The following SYNE2 variants were observed in gnomAD, a reference collection of about 807,000 sequenced individuals.
SYNE2 encodes nesprin-2.
SYNE2 carries 431 observed loss-of-function variants against 856.3 expected under a neutral mutation model. The ratio of observed to expected loss-of-function variants is 0.50; its 90% CI spans 0.47 to 0.55. The LOEUF (loss-of-function observed/expected upper bound fraction) is 0.55, where lower values mean the gene tolerates loss of function less well. SYNE2 is among the 20% of genes least tolerant of loss of function. The pLI is 0.00. For missense variants in SYNE2, 8,129 were observed against 8,023.2 expected (o/e 1.01, Z -0.50); for synonymous variants, 2,923 against 2,872.3 (o/e 1.02, Z -0.56).
intron 56 of SYNE2, among the ~76,000 whole-genome samples, chr14:64,080,856 G>A (rs554289405): frequency 8.0e-4 from 122 of 152,306 alleles, no homozygotes; most frequent in African/African-American, 2.8e-3. Flanking sequence ...GAATCCAGAA[G>A]TTGACCACAG....
chr14:64,167,702 G>A, intron 92 of SYNE2, 63 bp downstream of exon 92: 1 of 1,609,900 alleles, frequency 6.2e-7, no homozygotes, highest in Non-Finnish European at 8.5e-7. Context: ...GGGAAAGATA[G>A]CTTTAAATAA....
rs111332955 is a variant in SYNE2, at chr14:64,180,505, C to CT, written c.17556+3038dup. 3.0e-3 allele frequency among the ~76,000 whole-genome samples: 425 copies of CT among 142,590 alleles called. 3 individuals carry two copies. Among genetic ancestry groups the CT allele is most frequent in the South Asian group, 7.2e-3 (32 of 4,462 alleles). The allele number at this position is 142,590 out of a possible 152,430, so 93.5% of individuals were successfully genotyped here. A position where few individuals can be genotyped will look rare whatever the true frequency, so the allele number is the denominator to read the frequency against. On this transcript the variant is annotated intron_variant, in intron 96 of 115. Coordinates refer to ENST00000555002, the MANE Select transcript of SYNE2 (RefSeq NM_182914.3). ...AGTTGTTTTCACTAATGGTTTATAA[C>CT]TTTTTTTTTTTTTTTTGAGATGGAG...
chr14:64,122,107 C>A lies in SYNE2; in HGVS notation c.13254C>A (p.Asn4418Lys), dbSNP rs36021513. The A allele has an allele frequency of 0.017, 27,272 of 1,613,784 alleles. 264 individuals carry two copies. The highest frequency in any genetic ancestry group is 0.037 in the African/African-American group (2,792 of 74,984). Residue 4418 changes from asparagine (N) to lysine (K), a missense_variant, in exon 69 of 116, where the codon AAC becomes AAA. Physicochemically the swap from Asn to Lys is moderately conservative, Grantham distance 94. Transcript: ENST00000555002. ...KMWPQYCQHDNDTTQESSASN... is the reference protein window; with the variant it reads ...KMWPQYCQHDKDTTQESSASN... ...GGCCCCAGTATTGCCAACATGATAA[C>A]GATACAACTCAGGAATCATCTGCAA...
rs200842904 is a variant in SYNE2, at chr14:64,031,298, G to A, written c.7162G>A (p.Glu2388Lys). The change falls in exon 45 of 116, where the codon GAG becomes AAG. Residue 2388 changes from glutamate to lysine, a missense_variant. Physicochemically the swap from Glu to Lys is moderately conservative, Grantham distance 56. Transcript: ENST00000555002. ...GAAGCAGGCCACTTCTGATGTGCAGGAGTCTACTCAGGAATCAGCTGCAGT... is the reference window on the plus strand; with the variant it reads ...GAAGCAGGCCACTTCTGATGTGCAGAAGTCTACTCAGGAATCAGCTGCAGT... ...REKQATSDVQ[E>K]STQESAAVEK... The A allele has an allele frequency of 5.0e-3, 8,001 of 1,614,160 alleles. 31 individuals carry two copies. The highest frequency in any genetic ancestry group is 5.8e-3 in the Non-Finnish European group (6,853 of 1,180,026).
At chr14:63,872,475 G>T (rs1181541708) in intron 1 of SYNE2, among the ~76,000 whole-genome samples, 2 of 151,550 alleles carry the variant, frequency 1.3e-5, no homozygotes, top group African/African-American at 4.9e-5. Flanking sequence ...AGTCTAATTG[G>T]CTGGGCATGG....
At chr14:64,222,722 C>G (rs1256069) in intron 112 of SYNE2, among the ~76,000 whole-genome samples, 35,373 of 151,910 alleles carry the variant, frequency 0.23, 6,583 homozygotes, top group African/African-American at 0.5. Flanking sequence ...TGAGACTCCA[C>G]CTCAAAAAAA....
At chr14:63,877,855 G>A (rs926066063) in intron 1 of SYNE2, among the ~76,000 whole-genome samples, 3 of 150,980 alleles carry the variant, frequency 2.0e-5, no homozygotes, top group African/African-American at 4.9e-5. Flanking sequence ...TTATAGCCAA[G>A]GTCATTTGCA....
chr14:63,782,467 CAAAAAAAA>C (rs35413633), intron 1 of SYNE2, among the ~76,000 whole-genome samples: 11 of 49,634 alleles, frequency 2.2e-4, no homozygotes, highest in Admixed American at 8.5e-4. Flanking sequence ...AACTCCATCT[CAAAAAAAA>C]AAAAAAAAAA....
chr14:64,128,402 A>G (rs191433967), intron 73 of SYNE2, 50 bp from the exon 74 acceptor site: 11 of 968,776 alleles, frequency 1.1e-5, no homozygotes, highest in Admixed American at 3.6e-5. Flanking sequence ...ATAAAAAAAG[A>G]TAATGAAGGC....
At chr14:63,812,574 T>C (rs1257603923) in intron 1 of SYNE2, among the ~76,000 whole-genome samples, 2 of 152,226 alleles carry the variant, frequency 1.3e-5, no homozygotes, top group African/African-American at 4.8e-5. Context: ...TGGGAACTGA[T>C]AAATGTCCAT....
chr14:63,976,588 ATTATGCC>A lies in SYNE2; in HGVS notation c.1157_1163del (p.Tyr386CysfsTer15). 6.2e-7 allele frequency: 1 copy of A among 1,608,268 alleles called. No homozygotes were observed. The highest frequency in any genetic ancestry group is 8.5e-7 in the Non-Finnish European group (1 of 1,178,812). ...ATTAATGCATGGAAAATAAAGCTAA[ATTATGCC>A]TTGCCCCCACCCCTCCATCAAACTG... On this transcript the variant is annotated frameshift_variant, in exon 12 of 116. Transcript: ENST00000555002. LOFTEE classifies it high-confidence loss of function.
At chr14:64,066,342 T>TA (rs946090793) in intron 51 of SYNE2, among the ~76,000 whole-genome samples, 129 of 150,990 alleles carry the variant, frequency 8.5e-4, no homozygotes, top group African/African-American at 2.5e-3. Flanking sequence ...CTACAAAAAA[T>TA]AAAAAAAAAT....
At chr14:64,188,975 GCTTACATATC>G in intron 98 of SYNE2, 1 of 702,522 alleles carries the variant, frequency 1.4e-6, no homozygotes, top group Non-Finnish European at 2.6e-6. Flanking sequence ...CAGGGAAGGG[GCTTACATATC>G]CTTACATGTC....
intron 99 of SYNE2, 42 bp downstream of exon 99, chr14:64,190,279 A>C: frequency 6.2e-7 from 1 of 1,612,132 alleles, no homozygotes; most frequent in Non-Finnish European, 8.5e-7. Context: ...AGGAACAGTA[A>C]TTACTTTACA....
chr14:63,765,069 G>C (rs1349188133), intron 1 of SYNE2, among the ~76,000 whole-genome samples: 1 of 152,162 alleles, frequency 6.6e-6, no homozygotes, highest in African/African-American at 2.4e-5. Context: ...GGAGGAGCAG[G>C]AGCCCCTGAG....
intron 45 of SYNE2, among the ~76,000 whole-genome samples, chr14:64,041,651 C>A (rs1295149496): frequency 1.3e-5 from 2 of 151,872 alleles, no homozygotes; most frequent in Non-Finnish European, 2.9e-5. Flanking sequence ...GAGTTCCAGA[C>A]CAGCCTGAGC....
rs771276260 is a variant in SYNE2 at position 63,997,311 on chromosome 14, A to G, written c.3163A>G (p.Thr1055Ala). The G allele has an allele frequency of 6.2e-7, 1 of 1,613,318 alleles. No individual in the cohort carries two copies. The highest frequency in any genetic ancestry group is 1.7e-5 in the Admixed American group (1 of 59,872). ...TTGATTCCTTTCTAGGGGGACCATC[A>G]CCACATCTGAGAATAGAGGAGGGGA... Reference protein sequence around the residue: ...GGTSKNEGTITTSENRGGDPH... With the variant: ...GGTSKNEGTIATSENRGGDPH... Residue 1055 changes from threonine to alanine, a missense_variant, in exon 25 of 116, where the codon ACC (threonine) becomes GCC (alanine). Thr to Ala is a moderately conservative substitution (Grantham distance 58). This residue lies in a region of SYNE2 where 2,422 missense variants were observed against 2,357.4 expected (regional missense o/e 1.03). Coordinates refer to ENST00000555002, the MANE Select transcript of SYNE2 (RefSeq NM_182914.3).
In SYNE2 at chr14:63,880,915, C is replaced by T. The variant is rs200082716; in HGVS notation, c.-52+27772C>T. 2.1e-4 allele frequency among the ~76,000 whole-genome samples: 32 copies of T among 151,420 alleles called. No homozygotes were observed. The East Asian group carries it at 4.8e-3, about 23-fold the overall frequency. On this transcript the variant is annotated intron_variant, in intron 1 of 115. Transcript: ENST00000555002. Reference sequence around the variant, plus strand: ...AGGCTGGAGTGCAGTGGTGCGATGTCGGCTCACTGCAACCTCTCTCTCCCG... The same window carrying T: ...AGGCTGGAGTGCAGTGGTGCGATGTTGGCTCACTGCAACCTCTCTCTCCCG...
At chr14:63,927,080 C>T (rs1308378357) in intron 2 of SYNE2, among the ~76,000 whole-genome samples, 1 of 152,182 alleles carries the variant, frequency 6.6e-6, no homozygotes, top group Non-Finnish European at 1.5e-5. Flanking sequence ...TAGAGAGGTG[C>T]TCTGGGGCCC....
Sources: gnomAD v4.1 joint callset for allele counts (sites outside exome capture counted in the v4.1 genomes callset) on GRCh38, gnomAD v4.1.1 for gene constraint, gnomAD v4.1.1 regional missense constraint, MANE v1.5 for transcripts, NCBI Gene and HGNC (gene_info 2026-07-23, HGNC 2026-07-21) for gene names.